The following POMT1 variants were observed in gnomAD, a reference collection of about 807,000 sequenced individuals.
The protein encoded by POMT1 is protein O-mannosyltransferase 1.
Under a neutral mutation model 101.6 loss-of-function variants are expected in POMT1, and 85 were observed. The observed-to-expected ratio is 0.84, with a 90% CI of 0.70 to 1.00. POMT1 has a LOEUF of 1.00. POMT1 is among the 50% of genes least tolerant of loss of function. POMT1 has a pLI of 0.00. For missense variants in POMT1, 857 were observed against 930.4 expected (o/e 0.92, Z 1.03); for synonymous variants, 371 against 383.0 (o/e 0.97, Z 0.37).
chr9:131,509,974 T>C lies in POMT1; in HGVS notation c.677T>C (p.Leu226Pro), dbSNP rs1554774207. Residue 226 changes from leucine to proline, a missense_variant, in exon 8 of 20, where the codon CTT becomes CCT. Transcript: ENST00000402686. ...GCAGCTGTCCATGCCTGGCACCTGCTTGGAGACCAGACTTTGTCCAATGTA... is the reference window on the plus strand; with the variant it reads ...GCAGCTGTCCATGCCTGGCACCTGCCTGGAGACCAGACTTTGTCCAATGTA... ...GVAAVHAWHL[L>P]GDQTLSNVCV... 6.2e-7 allele frequency: 1 copy of C among 1,614,242 alleles called. No homozygotes were observed.
At chr9:131,516,128 A>G (rs1948481216) in intron 13 of POMT1, among the ~76,000 whole-genome samples, 1 of 99,922 alleles carries the variant, frequency 1.0e-5, no homozygotes. Flanking sequence ...GCACTTCCTC[A>G]CACGGAACAC....
chr9:131,506,269 A>T (rs762731337), intron 3 of POMT1, 49 bp downstream of exon 3: 1 of 1,591,520 alleles, frequency 6.3e-7, no homozygotes, highest in African/African-American at 1.3e-5. Flanking sequence ...CCTCAAATAC[A>T]TTTAAAACTT....
chr9:131,507,936 T>C (rs1316593314), intron 5 of POMT1, among the ~76,000 whole-genome samples: 2 of 152,136 alleles, frequency 1.3e-5, no homozygotes, highest in African/African-American at 4.8e-5. Context: ...TTAAAGCAGA[T>C]GAAAAGTTAG....
intron 5 of POMT1, 135 bp from the exon 6 acceptor site, chr9:131,508,776 A>T: frequency 1.4e-6 from 1 of 698,284 alleles, no homozygotes; most frequent in Non-Finnish European, 2.6e-6. Context: ...GTGTCTATAG[A>T]ATGTTTTAAC....
chr9:131,504,036 C>G (rs1945172188), intron 1 of POMT1, among the ~76,000 whole-genome samples, 153 bp from the exon 2 acceptor site: 1 of 152,224 alleles, frequency 6.6e-6, no homozygotes, highest in African/African-American at 2.4e-5. Flanking sequence ...CCCCACATGT[C>G]TACCTGAACC....
intron 17 of POMT1, chr9:131,521,145 C>A: frequency 2.9e-6 from 2 of 680,724 alleles, no homozygotes; most frequent in South Asian, 1.7e-5. Flanking sequence ...ACCCGGCTGG[C>A]ATCAGTGCTT....
chr9:131,510,554 G>GAAAAATAAATAAATAAAATTAGCCA, intron 9 of POMT1, 139 bp downstream of exon 9: 1 of 1,173,338 alleles, frequency 8.5e-7, no homozygotes. Flanking sequence ...TTTTTTTGGT[G>GAAAAATAAATAAATAAAATTAGCCA]GGGGGGATGG....
chr9:131,512,565 C>T (rs1161132820), intron 11 of POMT1, among the ~76,000 whole-genome samples: 1 of 152,196 alleles, frequency 6.6e-6, no homozygotes, highest in Non-Finnish European at 1.5e-5. Flanking sequence ...CCCATTGCTG[C>T]CTGCCCAGCT....
At chr9:131,517,507 G>C (rs940887003) in intron 13 of POMT1, among the ~76,000 whole-genome samples, 3 of 152,094 alleles carry the variant, frequency 2.0e-5, no homozygotes, top group Non-Finnish European at 4.4e-5. Context: ...TGAACTCCTG[G>C]ACTCAAGCCG....
chr9:131,511,671 C>T, intron 10 of POMT1: 1 of 663,990 alleles, frequency 1.5e-6, no homozygotes, highest in Non-Finnish European at 2.5e-6. Context: ...CCAGGGTCGG[C>T]CCCAGCTCTG....
In POMT1 at chr9:131,520,993, C is replaced by T. The variant is rs561292736; in HGVS notation, c.1699-353C>T. 60 of 349,990 alleles carry T rather than the reference C, an allele frequency of 1.7e-4. 2 individuals are homozygous for T. The highest frequency in any genetic ancestry group is 8.6e-4 in the South Asian group (38 of 44,066). 21.7% of individuals were successfully genotyped at this position (349,990 alleles called of 1,614,324 possible). On this transcript the variant is annotated intron_variant, in intron 17 of 19. Transcript: ENST00000402686. ...AGTAGCTGGTATTACAGGTGCCCAC[C>T]GCAATGCCCAGCTAATTTTTGTACT...
rs975917263 is a variant in POMT1 at position 131,523,266 on chromosome 9, C to G, written c.*160C>G. On this transcript the variant is annotated 3_prime_UTR_variant, in exon 20 of 20. Transcript: ENST00000402686. ...CACATGGGGGTCTCATTGAAAAGCT[C>G]TCTGATGAGCACCTCCTTTTGTGCA... 22 of 807,022 alleles carry G rather than the reference C, an allele frequency of 2.7e-5. No individual in the cohort carries two copies. The highest frequency in any genetic ancestry group is 4.4e-5 in the Non-Finnish European group (22 of 503,312). The allele number at this position is 807,022 out of a possible 1,614,324, so 50.0% of individuals were successfully genotyped here.
intron 9 of POMT1, chr9:131,510,979 T>C: frequency 7.4e-6 from 2 of 271,184 alleles, no homozygotes; most frequent in South Asian, 4.6e-5. Flanking sequence ...CGACGGCCAG[T>C]GCTGTAGTGC....
rs192230514 is a variant in POMT1 at position 131,519,769 on chromosome 9, A to G, written c.1584+283A>G. ...CAGGCAGCGAAATGGGCCACACTCA[A>G]CAGAGCCCAAGAGAAGTCACAATCA... On this transcript the variant is annotated intron_variant, in intron 16 of 19. Transcript: ENST00000402686. The surrounding 1 kb of genome is among the most constrained non-coding windows in gnomAD (Gnocchi z 4.3). 6.6e-6 allele frequency among the ~76,000 whole-genome samples: 1 copy of G among 152,280 alleles called. No individual in the cohort carries two copies. The highest frequency in any genetic ancestry group is 2.4e-5 in the African/African-American group (1 of 41,542).
Position 131,518,953 on chromosome 9 carries a change from C to T in POMT1, c.1482C>T (p.Gly494=), listed in dbSNP as rs377422156. The change falls in exon 15 of 20, where the codon GGC becomes GGT. Residue 494 remains glycine (G), a synonymous_variant. Coordinates refer to ENST00000402686, the MANE Select transcript of POMT1 (RefSeq NM_001077365.2). ...GGAACGTGGAGGAGCACCGATACGG[C>T]GCGAGTGAGTCCGCGGCGTGGCTTC... ...TVWNVEEHRY[G]ASQEQRERER... is the part of the protein sequence containing the mutation. 24 of 1,613,350 alleles carry T rather than the reference C, an allele frequency of 1.5e-5. No individual in the cohort carries two copies. Among genetic ancestry groups the T allele is most frequent in the Admixed American group, 1.7e-5 (1 of 59,996 alleles).
Position 131,523,406 on chromosome 9 carries a change from C to A in POMT1, c.*300C>A. ...CATTGACAACAAAAAGCCGAGAACC[C>A]AGGGCCAGCAGTGGAGCCTCAGCAG... is the stretch of plus-strand genomic sequence containing the variant. On this transcript the variant is annotated 3_prime_UTR_variant, in exon 20 of 20. Coordinates refer to ENST00000402686, the MANE Select transcript of POMT1 (RefSeq NM_001077365.2). 2.5e-6 allele frequency: 1 copy of A among 400,098 alleles called. No homozygotes were observed. The highest frequency in any genetic ancestry group is 4.7e-6 in the Non-Finnish European group (1 of 210,958). 24.8% of individuals were successfully genotyped at this position (400,098 alleles called of 1,614,324 possible).
In POMT1 at chr9:131,521,420, G is replaced by A. The variant is rs762810201; in HGVS notation, c.1773G>A (p.Leu591=). 8.7e-6 allele frequency: 14 copies of A among 1,614,054 alleles called. No homozygotes were observed. The highest frequency in any genetic ancestry group is 1.2e-5 in the Non-Finnish European group (14 of 1,180,052). Residue 591 remains leucine, a synonymous_variant, in exon 18 of 20, where the codon CTG becomes CTA. Coordinates refer to ENST00000402686, the MANE Select transcript of POMT1 (RefSeq NM_001077365.2). ...GSLALAIYAL[L]SLWYLLRRRR... is the part of the protein sequence containing the mutation. ...TCGCTCTGGCCATCTACGCCCTGCTGTCCTTGTGGTACCTGCTCCGACGGC... is the reference window on the plus strand; with the variant it reads ...TCGCTCTGGCCATCTACGCCCTGCTATCCTTGTGGTACCTGCTCCGACGGC...
chr9:131,515,428 A>C lies in POMT1; in HGVS notation c.1178A>C (p.His393Pro). The C allele has an allele frequency of 1.2e-6, 2 of 1,614,218 alleles. No homozygotes were observed. The highest frequency in any genetic ancestry group is 1.7e-6 in the Non-Finnish European group (2 of 1,180,022). The change falls in exon 13 of 20, where the codon CAT (histidine) becomes CCT (proline). Residue 393 changes from histidine to proline, a missense_variant and splice_region_variant. His to Pro is a moderately conservative substitution (Grantham distance 77). Transcript: ENST00000402686. ...AAATCTCGGTCTTGGTTTTCCAGGCATGATGTTGCAGCCCCCCTGAGCCCC... is the reference window on the plus strand; with the variant it reads ...AAATCTCGGTCTTGGTTTTCCAGGCCTGATGTTGCAGCCCCCCTGAGCCCC... ...HGMTTRSLNT[H>P]DVAAPLSPHS...
intron 16 of POMT1, 63 bp from the exon 17 acceptor site, chr9:131,520,016 CA>C: frequency 2.9e-6 from 4 of 1,364,404 alleles, no homozygotes; most frequent in Non-Finnish European, 4.2e-6. Context: ...CTCCTTTGAC[CA>C]AATCCACGCA....
Sources: allele counts gnomAD v4.1 joint callset (sites outside exome capture counted in the v4.1 genomes callset), GRCh38; gene constraint gnomAD v4.1.1; non-coding constraint Gnocchi (gnomAD v3.1); transcripts MANE v1.5; gene names NCBI Gene and HGNC (gene_info 2026-07-23, HGNC 2026-07-21).